Variants in KIRREL3 observed in about 807,000 individuals in gnomAD.
KIRREL3 encodes kin of IRRE-like protein 3.
KIRREL3 carries 36 observed loss-of-function variants against 89.7 expected under a neutral mutation model. That is an observed-to-expected ratio of 0.40 (90% CI 0.31 to 0.53). The LOEUF is 0.53. KIRREL3 is among the 20% of genes least tolerant of loss of function. The pLI is 0.49. For synonymous variants in KIRREL3, 445 were observed against 441.4 expected, an observed-to-expected ratio of 1.01 and a Z score of -0.10; for missense variants, 864 against 1,056.6, an observed-to-expected ratio of 0.82 and a Z score of 2.53.
chr11:126,942,512 G>C (rs1208783052), intron 1 of KIRREL3, among the ~76,000 whole-genome samples: 1 of 152,162 alleles, frequency 6.6e-6, no homozygotes, highest in Non-Finnish European at 1.5e-5. Flanking sequence ...CCCTTCTGTG[G>C]AAGTCCCGGC....
At chr11:126,690,572 G>A (rs959262706) in intron 1 of KIRREL3, among the ~76,000 whole-genome samples, 1 of 152,114 alleles carries the variant, frequency 6.6e-6, no homozygotes, top group Non-Finnish European at 1.5e-5. Flanking sequence ...GTGTCCCTAG[G>A]TAACCATCTG....
At position 126,520,024 on chromosome 11, in the gene KIRREL3, TG is replaced by T. The variant is rs1029286043; in HGVS notation, c.433+1290del. Reference sequence around the variant, plus strand: ...AAAGGTTGCAGGAGGTTTCTGAGGCTGGCCCCAAGTCCCTCCCCCGCATCTC... The same window carrying T: ...AAAGGTTGCAGGAGGTTTCTGAGGCTGCCCCAAGTCCCTCCCCCGCATCTC... On this transcript the variant is annotated intron_variant, in intron 4 of 16. Coordinates refer to ENST00000525144, the MANE Select transcript of KIRREL3 (RefSeq NM_032531.4). The surrounding 1 kb of genome is among the most constrained non-coding windows in gnomAD (Gnocchi z 4.9). Among the ~76,000 whole-genome samples, 1 of 152,198 alleles carries T rather than the reference TG, an allele frequency of 6.6e-6. No homozygotes were observed.
intron 1 of KIRREL3, among the ~76,000 whole-genome samples, chr11:126,967,288 C>T (rs1025143918): frequency 6.6e-6 from 1 of 152,154 alleles, no homozygotes; most frequent in Admixed American, 6.5e-5. Context: ...CATGCCCGCA[C>T]ATCCCTCCAA....
intron 1 of KIRREL3, among the ~76,000 whole-genome samples, chr11:126,573,876 G>T (rs1393427097): frequency 6.6e-6 from 1 of 151,978 alleles, no homozygotes; most frequent in Non-Finnish European, 1.5e-5. Context: ...CTTGCTGGGG[G>T]GATATCGCTG....
chr11:126,694,442 A>G lies in KIRREL3; in HGVS notation c.56-131530T>C, dbSNP rs184507569. 2.0e-5 allele frequency among the ~76,000 whole-genome samples: 3 copies of G among 152,268 alleles called. No homozygotes were observed. Among genetic ancestry groups the G allele is most frequent in the African/African-American group, 7.2e-5 (3 of 41,562 alleles). Reference sequence around the variant, plus strand: ...GTCAGCATCACGCTCCGTGACATTTAAAAGTGGGGAAGGAAAATACTGCAG... The same window carrying G: ...GTCAGCATCACGCTCCGTGACATTTGAAAGTGGGGAAGGAAAATACTGCAG... On this transcript the variant is annotated intron_variant, in intron 1 of 16. Transcript: ENST00000525144. The surrounding 1 kb of genome is among the most constrained non-coding windows in gnomAD (Gnocchi z 4.4).
intron 1 of KIRREL3, among the ~76,000 whole-genome samples, chr11:126,692,544 CAAAAAAA>C (rs71048799): frequency 2.3e-5 from 1 of 42,682 alleles, no homozygotes; most frequent in Non-Finnish European, 3.6e-5. Context: ...GACTCTGTCT[CAAAAAAA>C]AAAAAAAAAA....
rs1957031809 is a variant in KIRREL3 at position 126,475,226 on chromosome 11, T to C, written c.434-1760A>G. Reference sequence around the variant, plus strand: ...GCTCTGGGCTGGAGAAGTTCAGAGCTGAACAGTCACAGCTCCGGGCCCGTC... The same window carrying C: ...GCTCTGGGCTGGAGAAGTTCAGAGCCGAACAGTCACAGCTCCGGGCCCGTC... On this transcript the variant is annotated intron_variant, in intron 4 of 16. Transcript: ENST00000525144. The surrounding 1 kb of genome is among the most constrained non-coding windows in gnomAD (Gnocchi z 7.5). 6.6e-6 allele frequency among the ~76,000 whole-genome samples: 1 copy of C among 152,120 alleles called. No individual in the cohort carries two copies.
chr11:126,921,610 C>CTATG (rs1947302263), intron 1 of KIRREL3, among the ~76,000 whole-genome samples: 1 of 90,934 alleles, frequency 1.1e-5, no homozygotes, highest in East Asian at 3.3e-4. Flanking sequence ...ATCTATCTAT[C>CTATG]TATCTATCTA....
chr11:126,776,475 G>A lies in KIRREL3; in HGVS notation c.56-213563C>T, dbSNP rs1178203335. 6.6e-6 allele frequency among the ~76,000 whole-genome samples: 1 copy of A among 152,186 alleles called. No individual in the cohort carries two copies. Among genetic ancestry groups the A allele is most frequent in the Non-Finnish European group, 1.5e-5 (1 of 68,032 alleles). ...AAATGAAATGATTTGCAGCACCATA[G>A]CAGAGATATGGTGCTGCAGGACACT... On this transcript the variant is annotated intron_variant, in intron 1 of 16. Coordinates refer to ENST00000525144, the MANE Select transcript of KIRREL3 (RefSeq NM_032531.4). This position sits in a 1 kb window ranked among gnomAD's most constrained non-coding sequence, Gnocchi z 4.7.
At chr11:126,507,714 T>G (rs1202629294) in intron 4 of KIRREL3, among the ~76,000 whole-genome samples, 1 of 152,214 alleles carries the variant, frequency 6.6e-6, no homozygotes, top group Non-Finnish European at 1.5e-5. Flanking sequence ...ATCTCTAAAA[T>G]TATCTAATCA....
At chr11:126,915,751 CA>C (rs1947011672) in intron 1 of KIRREL3, among the ~76,000 whole-genome samples, 1 of 152,190 alleles carries the variant, frequency 6.6e-6, no homozygotes, top group Admixed American at 6.5e-5. Context: ...CTGTTTTAGT[CA>C]CATTGTAGTC....
chr11:126,573,034 C>T (rs1463387542), intron 1 of KIRREL3, among the ~76,000 whole-genome samples: 5 of 152,188 alleles, frequency 3.3e-5, no homozygotes, highest in East Asian at 3.9e-4. Flanking sequence ...AAATGTCCTG[C>T]GAGTGGGGAG....
At chr11:126,971,247 G>GGTAT (rs1949417979) in intron 1 of KIRREL3, among the ~76,000 whole-genome samples, 1 of 152,140 alleles carries the variant, frequency 6.6e-6, no homozygotes, top group African/African-American at 2.4e-5. Flanking sequence ...AAATCATCAA[G>GGTAT]GTATGCTTCT....
intron 1 of KIRREL3, among the ~76,000 whole-genome samples, chr11:126,921,747 TTCTATCTATCTATCTATCTA>T (rs201000548): frequency 7.9e-4 from 107 of 134,986 alleles, no homozygotes; most frequent in Admixed American, 1.9e-3. Context: ...TATATCTGTC[TTCTATCTATCTATCTATCTA>T]TCTATCTATC....
At position 126,526,463 on chromosome 11, in the gene KIRREL3, C is replaced by G; in HGVS notation, c.283+75G>C. On this transcript the variant is annotated intron_variant, in intron 3 of 16. Coordinates refer to ENST00000525144, the MANE Select transcript of KIRREL3 (RefSeq NM_032531.4). The surrounding 1 kb of genome is among the most constrained non-coding windows in gnomAD (Gnocchi z 5.7). The stretch of plus-strand genomic sequence containing the variant: ...ACTCAGACACCTGTGAAGATGGGTG[C>G]TCCCTAGGAAGGTGGATGGGTGAGT... 1 of 1,417,396 alleles carries G rather than the reference C, an allele frequency of 7.1e-7. No homozygotes were observed. The highest frequency in any genetic ancestry group is 2.4e-5 in the East Asian group (1 of 41,364). 87.8% of individuals were successfully genotyped at this position (1,417,396 alleles called of 1,614,324 possible).
intron 1 of KIRREL3, among the ~76,000 whole-genome samples, chr11:126,809,801 CAA>C (rs1223833117): frequency 6.6e-6 from 1 of 152,124 alleles, no homozygotes; most frequent in Non-Finnish European, 1.5e-5. Flanking sequence ...GGATTACAGA[CAA>C]AACCCTCCTG....
intron 1 of KIRREL3, among the ~76,000 whole-genome samples, chr11:126,809,024 A>T (rs569594528): frequency 6.6e-6 from 1 of 152,320 alleles, no homozygotes; most frequent in East Asian, 1.9e-4. Flanking sequence ...TAGGAAAAAA[A>T]ACAGGCAAGG....
chr11:126,583,059 C>G (rs185254885), intron 1 of KIRREL3, among the ~76,000 whole-genome samples: 1 of 152,286 alleles, frequency 6.6e-6, no homozygotes, highest in African/African-American at 2.4e-5. Flanking sequence ...CCCATCCACA[C>G]CAGTTACCCA....
intron 1 of KIRREL3, among the ~76,000 whole-genome samples, chr11:126,670,508 A>T (rs1310597382): frequency 1.3e-5 from 2 of 152,224 alleles, no homozygotes; most frequent in Admixed American, 6.5e-5. Context: ...AGGAAGAAAT[A>T]AAACTGTCTT....
Sources: gnomAD v4.1 joint callset for allele counts (sites outside exome capture counted in the v4.1 genomes callset) on GRCh38, gnomAD v4.1.1 for gene constraint, Gnocchi (gnomAD v3.1) non-coding constraint, MANE v1.5 for transcripts, NCBI Gene and HGNC (gene_info 2026-07-23, HGNC 2026-07-21) for gene names.